The following ATXN7 variants were observed in gnomAD, a reference collection of about 807,000 sequenced individuals.
The protein encoded by ATXN7 is ataxin-7.
A neutral mutation model predicts 70.5 loss-of-function variants in ATXN7; 12 were observed. The observed-to-expected ratio is 0.17, with a 90% CI of 0.11 to 0.28. The LOEUF (loss-of-function observed/expected upper bound fraction) is 0.28, where lower values mean the gene tolerates loss of function less well. ATXN7 is among the 10% of genes least tolerant of loss of function. The pLI is 1.00. For synonymous variants in ATXN7, 498 were observed against 448.7 expected, an observed-to-expected ratio of 1.11 and a Z score of -1.39; for missense variants, 1,256 against 1,131.7, an observed-to-expected ratio of 1.11 and a Z score of -1.58.
At chr3:63,886,803 A>G (rs553568395) in intron 1 of ATXN7, among the ~76,000 whole-genome samples, 1 of 152,324 alleles carries the variant, frequency 6.6e-6, no homozygotes, top group Non-Finnish European at 1.5e-5. Context: ...TGGTCTTATT[A>G]TGGTGTAAAG....
chr3:63,967,058 C>A (rs759658495), intron 5 of ATXN7, among the ~76,000 whole-genome samples: 4 of 152,142 alleles, frequency 2.6e-5, no homozygotes, highest in Admixed American at 6.5e-5. Context: ...CTTGCCTCAC[C>A]CTCCCAGGTA....
Position 63,868,103 on chromosome 3 carries a change from A to G in ATXN7, c.-111+3945A>G, listed in dbSNP as rs538439382. ...TTGATGGTAGATAAGCAAAGATTTG[A>G]TCTTGACACCAGCCGTTGGAGTAAA... On this transcript the variant is annotated intron_variant, in intron 1 of 12. Transcript: ENST00000674280. 7.2e-5 allele frequency among the ~76,000 whole-genome samples: 11 copies of G among 152,286 alleles called. No homozygotes were observed. The South Asian group carries it at 1.2e-3, about 17-fold the overall frequency.
rs1559663555 is a variant in ATXN7, at chr3:63,996,359, TCAA to T, written c.2543_2545del (p.Asn848del). The T allele has an allele frequency of 3.1e-6, 5 of 1,614,080 alleles. No homozygotes were observed. The highest frequency in any genetic ancestry group is 2.2e-5 in the East Asian group (1 of 44,868). On this transcript the variant is annotated inframe_deletion, in exon 12 of 13. Transcript: ENST00000674280. ...AAGTGCTCACCCAGCTCGAGCAGCATCAACAACAGCAGCAGCAAACCCACAAAG... is the reference window on the plus strand; with the variant it reads ...AAGTGCTCACCCAGCTCGAGCAGCATCAACAGCAGCAGCAAACCCACAAAG...
At chr3:63,961,607 G>A (rs969537096) in intron 5 of ATXN7, among the ~76,000 whole-genome samples, 1 of 151,992 alleles carries the variant, frequency 6.6e-6, no homozygotes, top group Non-Finnish European at 1.5e-5. Context: ...TGTTTATAAT[G>A]TGTATATGGA....
chr3:63,989,943 C>A (rs574532432), intron 9 of ATXN7, among the ~76,000 whole-genome samples: 1 of 152,156 alleles, frequency 6.6e-6, no homozygotes, highest in South Asian at 2.1e-4. Flanking sequence ...AGAAAGGATT[C>A]GTTCTAAGTT....
chr3:63,975,493 A>G (rs1038404720), intron 5 of ATXN7, among the ~76,000 whole-genome samples: 2 of 152,218 alleles, frequency 1.3e-5, no homozygotes, highest in Non-Finnish European at 2.9e-5. Context: ...TATGAATGTT[A>G]GCATTTGGAG....
chr3:63,928,596 T>G (rs1704812939), intron 4 of ATXN7, among the ~76,000 whole-genome samples: 1 of 152,170 alleles, frequency 6.6e-6, no homozygotes, highest in Non-Finnish European at 1.5e-5. Context: ...ACAGCAGTAG[T>G]CTGAAACAGG....
intron 8 of ATXN7, among the ~76,000 whole-genome samples, chr3:63,984,772 T>G (rs771523341): frequency 1.3e-5 from 2 of 152,230 alleles, no homozygotes; most frequent in African/African-American, 4.8e-5. Context: ...GCTCATTGAT[T>G]AGTAACTCCT....
chr3:63,948,386 T>G (rs1366892427), intron 4 of ATXN7, among the ~76,000 whole-genome samples: 1 of 152,142 alleles, frequency 6.6e-6, no homozygotes, highest in Non-Finnish European at 1.5e-5. Context: ...ATGCTTGTTC[T>G]GTTTGAAATG....
chr3:63,955,855 G>C (rs966649984), intron 5 of ATXN7, among the ~76,000 whole-genome samples: 3 of 152,324 alleles, frequency 2.0e-5, no homozygotes, highest in African/African-American at 7.2e-5. Context: ...CCAGCAGGCA[G>C]TTCCGTTAAA....
Position 63,995,485 on chromosome 3 carries a change from T to C in ATXN7, c.1683-20T>C. On this transcript the variant is annotated intron_variant, in intron 11 of 12. Coordinates refer to ENST00000674280, the MANE Select transcript of ATXN7 (RefSeq NM_001377405.1). ...AATGGCTGTGGTCAGTGTCATTCAC[T>C]GTCCTCTAATTTTTTTCAGGAAAAT... The C allele has an allele frequency of 6.2e-7, 1 of 1,613,278 alleles. No homozygotes were observed. Among genetic ancestry groups the C allele is most frequent in the Non-Finnish European group, 8.5e-7 (1 of 1,179,356 alleles).
intron 4 of ATXN7, among the ~76,000 whole-genome samples, chr3:63,921,564 AT>A (rs1200605732): frequency 6.6e-6 from 1 of 152,178 alleles, no homozygotes; most frequent in African/African-American, 2.4e-5. Flanking sequence ...TTAAATCATT[AT>A]TTCCAAAAGC....
intron 1 of ATXN7, among the ~76,000 whole-genome samples, chr3:63,880,312 G>A (rs892422313): frequency 6.6e-6 from 1 of 152,172 alleles, no homozygotes; most frequent in African/African-American, 2.4e-5. Context: ...CTTTATCAGA[G>A]ATTCTTTTAG....
chr3:63,978,741 T>G (rs1352468045), intron 5 of ATXN7, among the ~76,000 whole-genome samples: 2 of 152,234 alleles, frequency 1.3e-5, no homozygotes, highest in Non-Finnish European at 2.9e-5. Context: ...AATAATTTTG[T>G]CCTGATGTGG....
chr3:63,949,014 T>C (rs2074911128), intron 4 of ATXN7, among the ~76,000 whole-genome samples: 1 of 152,220 alleles, frequency 6.6e-6, no homozygotes, highest in Admixed American at 6.5e-5. Context: ...AATTCATTTT[T>C]ATTAATTTTA....
At chr3:63,910,584 A>T (rs1703977692) in intron 2 of ATXN7, among the ~76,000 whole-genome samples, 1 of 152,156 alleles carries the variant, frequency 6.6e-6, no homozygotes, top group African/African-American at 2.4e-5. Context: ...GTTAGAAGGG[A>T]ACTCTATTCC....
intron 1 of ATXN7, among the ~76,000 whole-genome samples, chr3:63,869,059 C>A (rs1257371547): frequency 6.6e-6 from 1 of 152,328 alleles, no homozygotes; most frequent in Non-Finnish European, 1.5e-5. Context: ...AAATAAAATA[C>A]TGTATAATGC....
intron 4 of ATXN7, among the ~76,000 whole-genome samples, chr3:63,945,839 C>T (rs2074850060): frequency 6.6e-6 from 1 of 152,184 alleles, no homozygotes. Flanking sequence ...AGTAGAGCAA[C>T]AAGCCAGGTA....
intron 5 of ATXN7, among the ~76,000 whole-genome samples, chr3:63,978,568 T>C (rs552631100): frequency 6.6e-6 from 1 of 152,346 alleles, no homozygotes; most frequent in South Asian, 2.1e-4. Flanking sequence ...ACTGAATTTA[T>C]TTTAGTTTTT....
Sources: gnomAD v4.1 joint callset for allele counts (sites outside exome capture counted in the v4.1 genomes callset) on GRCh38, gnomAD v4.1.1 for gene constraint, MANE v1.5 for transcripts, NCBI Gene and HGNC (gene_info 2026-07-23, HGNC 2026-07-21) for gene names.